The following FES variants were observed in gnomAD, a reference collection of about 807,000 sequenced individuals.
The protein encoded by FES is tyrosine-protein kinase Fes/Fps.
In FES, 83 loss-of-function variants were observed where a neutral mutation model predicts 109.6. That is an observed-to-expected ratio of 0.76 (90% CI 0.63 to 0.91). The LOEUF (loss-of-function observed/expected upper bound fraction) is 0.91, where lower values mean the gene tolerates loss of function less well. Among genes scored for constraint, FES ranks in the 40% least tolerant of loss-of-function variants. The pLI is 0.00. For synonymous variants in FES, 458 were observed against 442.1 expected, an observed-to-expected ratio of 1.04 and a Z score of -0.45; for missense variants, 943 against 1,070.9, an observed-to-expected ratio of 0.88 and a Z score of 1.67.
At chr15:90,893,539 T>C in intron 16 of FES, 115 bp from the exon 17 acceptor site, 1 of 1,490,038 alleles carries the variant, frequency 6.7e-7, no homozygotes, top group South Asian at 1.4e-5. Flanking sequence ...GCCTCTGTGG[T>C]AGACAGGGGT....
chr15:90,891,002 C>T lies in FES; in HGVS notation c.1341C>T (p.Leu447=), dbSNP rs1282848830. ...PKFSLPPPLQ[L]IPEVQKPLHE... is the part of the protein sequence containing the mutation. ...CCCAGCTCCCTCCACCGCTGCAGCTCATTCCGGAGGTGCAGAAGCCCCTGC... is the reference window on the plus strand; with the variant it reads ...CCCAGCTCCCTCCACCGCTGCAGCTTATTCCGGAGGTGCAGAAGCCCCTGC... Residue 447 remains leucine (L), a synonymous_variant, in exon 11 of 19, where the codon CTC becomes CTT. Coordinates refer to ENST00000328850, the MANE Select transcript of FES (RefSeq NM_002005.4). 4 of 1,590,654 alleles carry T rather than the reference C, an allele frequency of 2.5e-6. No homozygotes were observed. Among genetic ancestry groups the T allele is most frequent in the East Asian group, 4.5e-5 (2 of 44,134 alleles).
In FES at chr15:90,893,203, G is replaced by C; in HGVS notation, c.1921+9G>C. 6.2e-7 allele frequency: 1 copy of C among 1,613,616 alleles called. No homozygotes were observed. The highest frequency in any genetic ancestry group is 8.5e-7 in the Non-Finnish European group (1 of 1,179,886). ...CATGGAGCTTGTGCAGGGTGAGCGC[G>C]GGGCGCTGAGCTCCAGGTAGGGCGC... On this transcript the variant is annotated intron_variant, in intron 15 of 18. Transcript: ENST00000328850.
In FES at chr15:90,889,829, C is replaced by T; in HGVS notation, c.927-11C>T. 1.2e-6 allele frequency: 2 copies of T among 1,613,542 alleles called. No individual in the cohort carries two copies. The highest frequency in any genetic ancestry group is 1.3e-5 in the African/African-American group (1 of 74,946). On this transcript the variant is annotated splice_polypyrimidine_tract_variant and intron_variant, in intron 7 of 18. Coordinates refer to ENST00000328850, the MANE Select transcript of FES (RefSeq NM_002005.4). The surrounding 1 kb of genome is among the most constrained non-coding windows in gnomAD (Gnocchi z 6.1). ...GGCTCGGTTCTAATGCTGCCCTTCT[C>T]TTGGGTGCAGGCTGACCTCAGTGAC...
Position 90,890,099 on chromosome 15 carries a change from C to T in FES, c.1057C>T (p.Leu353=), listed in dbSNP as rs1470268275. ...ENTHPRERVQ[L]LGKRQVLQEA... ...ACCCGCCCCTGCCTGCAGGGTGCAG[C>T]TGCTGGGCAAGAGGCAAGTGCTGCA... Residue 353 remains leucine, a synonymous_variant, in exon 9 of 19, where the codon CTG becomes TTG. Coordinates refer to ENST00000328850, the MANE Select transcript of FES (RefSeq NM_002005.4). 9.6e-6 allele frequency: 15 copies of T among 1,557,820 alleles called. No individual in the cohort carries two copies. Among genetic ancestry groups the T allele is most frequent in the Non-Finnish European group, 1.2e-5 (14 of 1,154,984 alleles).
chr15:90,893,369 C>T lies in FES; in HGVS notation c.2000C>T (p.Ala667Val). The T allele has an allele frequency of 1.3e-6, 2 of 1,562,306 alleles. No individual in the cohort carries two copies. Among genetic ancestry groups the T allele is most frequent in the Non-Finnish European group, 1.7e-6 (2 of 1,154,674 alleles). ...VKTLLQMVGD[A>V]AAGMEYLESK... ...ACTCTGCTGCAGATGGTGGGGGATG[C>T]AGCTGCTGGCATGGAGTACCTGGAG... Residue 667 changes from alanine (A) to valine (V), a missense_variant, in exon 16 of 19, where the codon GCA becomes GTA. Ala to Val is a moderately conservative substitution (Grantham distance 64). Transcript: ENST00000328850.
intron 11 of FES, 49 bp downstream of exon 11, chr15:90,891,240 C>T (rs1325420178): frequency 6.5e-7 from 1 of 1,534,758 alleles, no homozygotes. Flanking sequence ...CTTCCCCTCC[C>T]TTCCCTTCCC....
At position 90,891,211 on chromosome 15, in the gene FES, G is replaced by A; in HGVS notation, c.1530+20G>A. The A allele has an allele frequency of 1.3e-6, 2 of 1,547,768 alleles. No homozygotes were observed. The highest frequency in any genetic ancestry group is 1.7e-6 in the Non-Finnish European group (2 of 1,146,886). On this transcript the variant is annotated intron_variant, in intron 11 of 18. Transcript: ENST00000328850. Reference sequence around the variant, plus strand: ...TTGGATGTGAGTGGGGCTGGGACCCGAGCCTTCCAGGCCTCACTCTTCCCC... The same window carrying A: ...TTGGATGTGAGTGGGGCTGGGACCCAAGCCTTCCAGGCCTCACTCTTCCCC...
In FES at chr15:90,890,059, C is replaced by T. The variant is rs777471440; in HGVS notation, c.1050-33C>T. The stretch of plus-strand genomic sequence containing the variant: ...ACCCGCCGCAGACCGAGCCCTTATT[C>T]TCATCCACCCTCCCACCCGCCCCTG... On this transcript the variant is annotated intron_variant, in intron 8 of 18. Transcript: ENST00000328850. The T allele has an allele frequency of 7.7e-6, 12 of 1,554,852 alleles. No individual in the cohort carries two copies. In the East Asian group the frequency reaches 2.6e-4, roughly 33 times the overall value.
intron 14 of FES, 108 bp downstream of exon 14, chr15:90,892,933 C>T: frequency 1.5e-6 from 2 of 1,368,240 alleles, no homozygotes. Context: ...TCCTCGAGGC[C>T]CCCCATTGCG....
Position 90,893,755 on chromosome 15 carries a change from CAG to C in FES, c.2148_2149del (p.Gly718ProfsTer12). The C allele has an allele frequency of 1.2e-6, 2 of 1,609,410 alleles. No homozygotes were observed. Among genetic ancestry groups the C allele is most frequent in the Non-Finnish European group, 8.5e-7 (1 of 1,177,726 alleles). ...GAAGCCGATGGGGTCTATGCAGCCT[CAG>C]GGGGCCTCAGACAAGTCCCCGTGAA... is the stretch of plus-strand genomic sequence containing the variant. On this transcript the variant is annotated frameshift_variant, in exon 17 of 19. Transcript: ENST00000328850. LOFTEE classifies it high-confidence loss of function.
chr15:90,890,380 G>A, intron 9 of FES, 21 bp from the exon 10 acceptor site: 1 of 1,610,866 alleles, frequency 6.2e-7, no homozygotes, highest in Non-Finnish European at 8.5e-7. Context: ...GCCACCCGCT[G>A]ACGTCTGTCC....
rs2032727542 is a variant in FES, at chr15:90,887,173, C to T, written c.485-14C>T. The T allele has an allele frequency of 1.2e-6, 2 of 1,612,292 alleles. No individual in the cohort carries two copies. Among genetic ancestry groups the T allele is most frequent in the Non-Finnish European group, 1.7e-6 (2 of 1,178,776 alleles). ...CCATGCTGTCATCTATACCCCTTGC[C>T]CCCCTTCTGGCAGACAAGGACCGTG... On this transcript the variant is annotated splice_polypyrimidine_tract_variant and intron_variant, in intron 4 of 18. Coordinates refer to ENST00000328850, the MANE Select transcript of FES (RefSeq NM_002005.4).
rs753016539 is a variant in FES at position 90,891,073 on chromosome 15, C to T, written c.1412C>T (p.Ala471Val). ...YHGAIPRAEV[A>V]ELLVHSGDFL... ...GGGGCCATCCCGAGGGCAGAGGTGG[C>T]TGAGCTGCTGGTGCACTCTGGGGAC... Residue 471 changes from alanine (A) to valine (V), a missense_variant, in exon 11 of 19, where the codon GCT (alanine) becomes GTT (valine). Physicochemically the swap from Ala to Val is moderately conservative, Grantham distance 64. Transcript: ENST00000328850. 4.4e-6 allele frequency: 7 copies of T among 1,596,432 alleles called. No homozygotes were observed. The highest frequency in any genetic ancestry group is 3.4e-6 in the Non-Finnish European group (4 of 1,171,426).
intron 12 of FES, 64 bp downstream of exon 12, chr15:90,891,740 C>T (rs2151264356): frequency 1.9e-6 from 3 of 1,600,336 alleles, no homozygotes; most frequent in Non-Finnish European, 2.6e-6. Flanking sequence ...TGGGTCAGGC[C>T]CACCCAGCGT....
chr15:90,890,731 G>C (rs1385949445), intron 10 of FES, among the ~76,000 whole-genome samples: 1 of 151,894 alleles, frequency 6.6e-6, no homozygotes, highest in Admixed American at 6.5e-5. Context: ...CGGGTTGGGG[G>C]CCTGTGGCCT....
At chr15:90,885,388 G>A (rs755640998) in intron 2 of FES, 24 bp from the exon 3 acceptor site, 3 of 1,600,584 alleles carry the variant, frequency 1.9e-6, no homozygotes, top group Non-Finnish European at 1.7e-6. Flanking sequence ...CCCCCTCCCT[G>A]CCTCCCCCAT....
Position 90,895,610 on chromosome 15 carries a change from C to G in FES, c.*52C>G, listed in dbSNP as rs745636407. 17 of 1,461,682 alleles carry G rather than the reference C, an allele frequency of 1.2e-5. No individual in the cohort carries two copies. In the South Asian group the frequency reaches 1.8e-4, roughly 16 times the overall value. The allele number at this position is 1,461,682 out of a possible 1,614,324, so 90.5% of individuals were successfully genotyped here. A position where few individuals can be genotyped will look rare whatever the true frequency, so the allele number is the denominator to read the frequency against. On this transcript the variant is annotated 3_prime_UTR_variant, in exon 19 of 19. Coordinates refer to ENST00000328850, the MANE Select transcript of FES (RefSeq NM_002005.4). ...GGCCTCTGCAGGCCTAGGTGCAGCT[C>G]CTCAGCGGCTCCAGCTCATATGCTG...
At chr15:90,887,765 C>T in intron 5 of FES, among the ~76,000 whole-genome samples, 1 of 152,192 alleles carries the variant, frequency 6.6e-6, no homozygotes, top group East Asian at 1.9e-4. Flanking sequence ...GAGGAGGTGA[C>T]AGTTGTCCAT....
At chr15:90,893,030 C>G (rs1016435120) in intron 14 of FES, 70 bp from the exon 15 acceptor site, 13 of 1,539,550 alleles carry the variant, frequency 8.4e-6, no homozygotes, top group Admixed American at 1.8e-5. Context: ...AAGCTCTTCT[C>G]CCATCATCCC....
Sources: gnomAD v4.1 joint callset for allele counts (sites outside exome capture counted in the v4.1 genomes callset) on GRCh38, gnomAD v4.1.1 for gene constraint, Gnocchi (gnomAD v3.1) non-coding constraint, MANE v1.5 for transcripts, NCBI Gene and HGNC (gene_info 2026-07-23, HGNC 2026-07-21) for gene names.